Variants in ZFHX4 observed in about 807,000 individuals in gnomAD.
ZFHX4 encodes zinc finger homeobox protein 4.
In ZFHX4, 56 loss-of-function variants were observed where a neutral mutation model predicts 267.6. The observed-to-expected ratio is 0.21, with a 90% CI of 0.17 to 0.26. ZFHX4 has a LOEUF of 0.26. Ranked by LOEUF, ZFHX4 falls within the 10% of genes least tolerant of loss-of-function variation. The pLI, the probability that ZFHX4 is intolerant of heterozygous loss-of-function variation, is 1.00. For synonymous variants in ZFHX4, 1,778 were observed against 1,665.6 expected (o/e 1.07, Z -1.64); for missense variants, 4,332 against 4,420.0 (o/e 0.98, Z 0.56).
At chr8:76,766,562 T>G (rs1311854673) in intron 3 of ZFHX4, among the ~76,000 whole-genome samples, 1 of 152,112 alleles carries the variant, frequency 6.6e-6, no homozygotes, top group African/African-American at 2.4e-5. Flanking sequence ...CTGCATGGGC[T>G]GTGGGTAGTA....
At chr8:76,806,198 T>A (rs906778215) in intron 4 of ZFHX4, among the ~76,000 whole-genome samples, 1 of 152,056 alleles carries the variant, frequency 6.6e-6, no homozygotes, top group African/African-American at 2.4e-5. Context: ...AACATCCCAC[T>A]CAAATAACAC....
chr8:76,849,884 T>C, intron 8 of ZFHX4, 172 bp downstream of exon 8: 1 of 692,290 alleles, frequency 1.4e-6, no homozygotes, highest in African/African-American at 1.8e-5. Context: ...CTCTTTTGCT[T>C]GGAAAAAAAT....
intron 4 of ZFHX4, among the ~76,000 whole-genome samples, chr8:76,814,303 G>C (rs1201214517): frequency 1.3e-5 from 2 of 152,150 alleles, no homozygotes; most frequent in African/African-American, 4.8e-5. Context: ...CCAATTAGAT[G>C]ACTTAATCCT....
intron 3 of ZFHX4, among the ~76,000 whole-genome samples, chr8:76,774,402 C>T (rs946618080): frequency 6.6e-6 from 1 of 152,076 alleles, no homozygotes; most frequent in Non-Finnish European, 1.5e-5. Flanking sequence ...CTCATTCTGG[C>T]CATACTGGTA....
chr8:76,806,205 A>G (rs1811241474), intron 4 of ZFHX4, among the ~76,000 whole-genome samples: 1 of 152,066 alleles, frequency 6.6e-6, no homozygotes, highest in South Asian at 2.1e-4. Flanking sequence ...CACTCAAATA[A>G]CACGTAGCAT....
At chr8:76,801,103 C>T (rs373438790) in intron 4 of ZFHX4, among the ~76,000 whole-genome samples, 3 of 151,866 alleles carry the variant, frequency 2.0e-5, no homozygotes, top group South Asian at 4.2e-4. Context: ...CTGTAGCACA[C>T]GTGAATTTTT....
chr8:76,851,510 C>A lies in ZFHX4; in HGVS notation c.4589C>A (p.Thr1530Lys). Residue 1530 changes from threonine to lysine, a missense_variant, in exon 10 of 11, where the codon ACG (threonine) becomes AAG (lysine). By Grantham distance (78) the Thr-to-Lys change is moderately conservative. Around this residue, in one of 7 missense-constraint regions of ZFHX4, gnomAD observed 1,371 missense variants for 1,423.1 expected, o/e 0.96. Coordinates refer to ENST00000651372, the MANE Select transcript of ZFHX4 (RefSeq NM_024721.5). ...CCTTTTAGAAAAGGGCCCAATTTTACGATGGAAAAATTCCTTGATCCATCT... is the reference window on the plus strand; with the variant it reads ...CCTTTTAGAAAAGGGCCCAATTTTAAGATGGAAAAATTCCTTGATCCATCT... Reference protein sequence around the residue: ...TLPFRKGPNFTMEKFLDPSRP... With the variant: ...TLPFRKGPNFKMEKFLDPSRP... The A allele has an allele frequency of 6.2e-7, 1 of 1,613,834 alleles. No homozygotes were observed. Among genetic ancestry groups the A allele is most frequent in the South Asian group, 1.1e-5 (1 of 91,070 alleles).
chr8:76,865,230 A>G lies in ZFHX4; in HGVS notation c.*665A>G, dbSNP rs180681967. On this transcript the variant is annotated 3_prime_UTR_variant, in exon 11 of 11. Transcript: ENST00000651372. ...GTCTGCCCTGTGTATTGCAGTTTGT[A>G]TTGCCACAAGCTATATTTATACCAG... The G allele has an allele frequency of 1.3e-4, 20 of 152,720 alleles. No homozygotes were observed. The highest frequency in any genetic ancestry group is 1.2e-3 in the Admixed American group (18 of 15,292). The allele number at this position is 152,720 out of a possible 1,614,324, so 9.5% of individuals were successfully genotyped here.
chr8:76,774,954 A>G (rs1472147670), intron 3 of ZFHX4, among the ~76,000 whole-genome samples: 1 of 152,198 alleles, frequency 6.6e-6, no homozygotes, highest in Non-Finnish European at 1.5e-5. Context: ...TTATCTGGAA[A>G]CAATAAGAAT....
At position 76,864,340 on chromosome 8, in the gene ZFHX4, T is replaced by A. The variant is rs1338716606; in HGVS notation, c.10626T>A (p.Pro3542=). ...QASARRAASP[P]SSPPSLSLPS... is the part of the protein sequence containing the mutation. ...CTGCCAGGAGAGCTGCTTCTCCCCC[T>A]TCTTCTCCTCCTTCCCTTTCCTTGC... The change falls in exon 11 of 11, where the codon CCT becomes CCA. Residue 3542 remains proline (P), a synonymous_variant. Transcript: ENST00000651372. 6.2e-7 allele frequency: 1 copy of A among 1,613,564 alleles called. No homozygotes were observed. The highest frequency in any genetic ancestry group is 1.3e-5 in the African/African-American group (1 of 74,902).
At chr8:76,787,345 G>A (rs945696882) in intron 4 of ZFHX4, among the ~76,000 whole-genome samples, 5 of 152,066 alleles carry the variant, frequency 3.3e-5, no homozygotes, top group East Asian at 3.9e-4. Context: ...ATACGGGCAG[G>A]TTTTCAACAA....
chr8:76,818,370 C>A (rs1420793024), intron 4 of ZFHX4, among the ~76,000 whole-genome samples: 1 of 151,890 alleles, frequency 6.6e-6, no homozygotes, highest in Admixed American at 6.6e-5. Flanking sequence ...TATTAATGAC[C>A]ATTTAGGAGA....
At chr8:76,790,472 A>T (rs528694841) in intron 4 of ZFHX4, among the ~76,000 whole-genome samples, 3 of 152,230 alleles carry the variant, frequency 2.0e-5, no homozygotes, top group East Asian at 1.9e-4. Context: ...AGGATAACAG[A>T]CCAAAGTACT....
At chr8:76,691,119 T>A (rs1221446580) in intron 1 of ZFHX4, among the ~76,000 whole-genome samples, 2 of 152,066 alleles carry the variant, frequency 1.3e-5, no homozygotes, top group Non-Finnish European at 2.9e-5. Flanking sequence ...GCTTGTTGAA[T>A]GAATGAATAT....
Position 76,854,740 on chromosome 8 carries a change from C to T in ZFHX4, c.7819C>T (p.Arg2607Cys), listed in dbSNP as rs1309561230. The T allele has an allele frequency of 2.5e-6, 4 of 1,612,298 alleles. No individual in the cohort carries two copies. The highest frequency in any genetic ancestry group is 1.7e-5 in the Admixed American group (1 of 59,794). The change falls in exon 10 of 11, where the codon CGC (arginine) becomes TGC (cysteine). Residue 2607 changes from arginine (R) to cysteine (C), a missense_variant. Arg to Cys is a radical substitution (Grantham distance 180, BLOSUM62 -3). Coordinates refer to ENST00000651372, the MANE Select transcript of ZFHX4 (RefSeq NM_024721.5). ...NSGEDQHRDK[R>C]LRTTITPEQL... ...CGGTGAAGACCAACACCGAGATAAA[C>T]GCTTGAGAACCACGATCACCCCGGA...
At chr8:76,831,787 G>A (rs960658200) in intron 4 of ZFHX4, among the ~76,000 whole-genome samples, 2 of 152,062 alleles carry the variant, frequency 1.3e-5, no homozygotes, top group Non-Finnish European at 2.9e-5. Flanking sequence ...GGCTCACAGA[G>A]GAAGACCAAA....
At chr8:76,863,003 C>A in intron 10 of ZFHX4, 91 bp from the exon 11 acceptor site, 1 of 1,431,242 alleles carries the variant, frequency 7.0e-7, no homozygotes, top group South Asian at 1.5e-5. Flanking sequence ...ATAGCAATGT[C>A]CTTAGTGAGT....
chr8:76,769,558 C>G (rs1338976284), intron 3 of ZFHX4, among the ~76,000 whole-genome samples: 1 of 152,096 alleles, frequency 6.6e-6, no homozygotes, highest in Non-Finnish European at 1.5e-5. Flanking sequence ...GCCATATTAG[C>G]CCAGGCTGGT....
intron 1 of ZFHX4, among the ~76,000 whole-genome samples, chr8:76,699,984 C>G (rs554447035): frequency 6.6e-6 from 1 of 151,724 alleles, no homozygotes; most frequent in Non-Finnish European, 1.5e-5. Flanking sequence ...ATATATGTGC[C>G]GTTTTCACAC....
Sources: allele counts gnomAD v4.1 joint callset (sites outside exome capture counted in the v4.1 genomes callset), GRCh38; gene constraint gnomAD v4.1.1; regional missense constraint gnomAD v4.1.1; transcripts MANE v1.5; gene names NCBI Gene and HGNC (gene_info 2026-07-23, HGNC 2026-07-21).